The following CRYBG1 variants were observed in gnomAD, a reference collection of about 807,000 sequenced individuals.
CRYBG1 encodes crystallin beta-gamma domain containing 1.
Under a neutral mutation model 189.2 loss-of-function variants are expected in CRYBG1, and 139 were observed. The observed-to-expected ratio is 0.73, with a 90% confidence interval of 0.64 to 0.85. The LOEUF is 0.85. Ranked by LOEUF, CRYBG1 falls within the 40% of genes least tolerant of loss-of-function variation. The pLI is 0.00. For missense variants in CRYBG1, 2,611 were observed against 2,675.8 expected (o/e 0.98, Z 0.53); for synonymous variants, 1,023 against 1,017.1 (o/e 1.01, Z -0.11).
intron 1 of CRYBG1, among the ~76,000 whole-genome samples, chr6:106,422,575 C>T (rs1298238404): frequency 1.4e-5 from 1 of 70,126 alleles, no homozygotes. Context: ...TCAAGTAATC[C>T]ACCCCCCTCC....
intron 1 of CRYBG1, among the ~76,000 whole-genome samples, chr6:106,428,936 C>G (rs1771276361): frequency 6.6e-6 from 1 of 152,162 alleles, no homozygotes; most frequent in Non-Finnish European, 1.5e-5. Context: ...CCAGAGTATC[C>G]TTTCCCTTGA....
At chr6:106,394,312 A>G (rs11753894) in intron 1 of CRYBG1, among the ~76,000 whole-genome samples, 12,311 of 152,310 alleles carry the variant, frequency 0.081, 645 homozygotes, top group East Asian at 0.15. Context: ...TATGATACAT[A>G]TACAACAGTG....
chr6:106,514,299 A>G (rs953028633), intron 3 of CRYBG1, among the ~76,000 whole-genome samples: 1 of 152,218 alleles, frequency 6.6e-6, no homozygotes, highest in African/African-American at 2.4e-5. Flanking sequence ...CTCCATTCAC[A>G]TATTTGTTCA....
intron 21 of CRYBG1, among the ~76,000 whole-genome samples, 163 bp from the exon 22 acceptor site, chr6:106,568,309 C>T (rs1276085263): frequency 6.6e-6 from 1 of 152,234 alleles, no homozygotes; most frequent in Non-Finnish European, 1.5e-5. Context: ...CCTCTCATCC[C>T]ACAGGGGCCC....
At chr6:106,505,932 A>T (rs927410982) in intron 2 of CRYBG1, among the ~76,000 whole-genome samples, 15 of 147,370 alleles carry the variant, frequency 1.0e-4, no homozygotes, top group Admixed American at 5.4e-4. Flanking sequence ...ACACGTGTTT[A>T]AAAAAAAAAG....
intron 2 of CRYBG1, among the ~76,000 whole-genome samples, chr6:106,459,079 A>G (rs1010885021): frequency 6.6e-6 from 1 of 152,208 alleles, no homozygotes; most frequent in Non-Finnish European, 1.5e-5. Flanking sequence ...ATGTATAGCC[A>G]GCTTTGGAAA....
At position 106,544,635 on chromosome 6, in the gene CRYBG1, A is replaced by G. The variant is rs181944420; in HGVS notation, c.5104A>G (p.Arg1702Gly). 1.0e-4 allele frequency: 165 copies of G among 1,614,134 alleles called. 1 individual carries two copies. In the East Asian group the frequency reaches 3.6e-3, roughly 35 times the overall value. ...GTATTTGCTAGAAGAAGGAGAATAC[A>G]GGGACTGGAAAGCCTGGGGAGGTTA... ...HQYLLEEGEY[R>G]DWKAWGGYNG... The change falls in exon 12 of 22, where the codon AGG becomes GGG. Residue 1702 changes from arginine to glycine, a missense_variant. Arg to Gly is a moderately radical substitution (Grantham distance 125). This residue lies in a region of CRYBG1 where 1,622 missense variants were observed against 1,735.0 expected (regional missense o/e 0.93). Transcript: ENST00000633556.
In CRYBG1 at chr6:106,560,853, C is replaced by T. The variant is rs2114597599; in HGVS notation, c.5906C>T (p.Ser1969Leu). Residue 1969 changes from serine to leucine, a missense_variant, in exon 19 of 22, where the codon TCA (serine) becomes TTA (leucine). Physicochemically the swap from Ser to Leu is moderately radical, Grantham distance 145. Around this residue, in one of 3 missense-constraint regions of CRYBG1, gnomAD observed 1,622 missense variants for 1,735.0 expected, o/e 0.93. Transcript: ENST00000633556. The stretch of plus-strand genomic sequence containing the variant: ...TACAGAGGGCGACAGTTCCTATTGT[C>T]ACCTGCAGAAGTACCTAATTGGTAT... ...GSYRGRQFLLSPAEVPNWYEF... is the reference protein window; with the variant it reads ...GSYRGRQFLLLPAEVPNWYEF... 1.2e-6 allele frequency: 2 copies of T among 1,613,274 alleles called. No homozygotes were observed. The highest frequency in any genetic ancestry group is 1.7e-6 in the Non-Finnish European group (2 of 1,179,658).
In CRYBG1 at chr6:106,569,463, T is replaced by G. The variant is rs72943042; in HGVS notation, c.*897T>G. The G allele has an allele frequency of 0.04, 6,020 of 152,026 alleles. 172 individuals are homozygous for G. Among genetic ancestry groups the G allele is most frequent in the Non-Finnish European group, 0.06 (4,099 of 67,968 alleles). 9.4% of individuals were successfully genotyped at this position (152,026 alleles called of 1,614,324 possible). ...ATCTCGAACCTCTGGGCTCAAGCAA[T>G]TCACTCGCCTCGGCCTCCCAAAATG... On this transcript the variant is annotated 3_prime_UTR_variant, in exon 22 of 22. Coordinates refer to ENST00000633556, the MANE Select transcript of CRYBG1 (RefSeq NM_001371242.2).
At chr6:106,471,010 A>G (rs1772223484) in intron 2 of CRYBG1, among the ~76,000 whole-genome samples, 1 of 152,220 alleles carries the variant, frequency 6.6e-6, no homozygotes, top group Non-Finnish European at 1.5e-5. Context: ...ACCAAGTGGA[A>G]ATAACCCAAA....
intron 6 of CRYBG1, among the ~76,000 whole-genome samples, chr6:106,526,616 G>A (rs1773742988): frequency 2.0e-5 from 3 of 152,038 alleles, no homozygotes; most frequent in Admixed American, 2.0e-4. Context: ...GTAAGTTAAA[G>A]TCTCTCTAAG....
intron 13 of CRYBG1, among the ~76,000 whole-genome samples, chr6:106,546,279 T>C (rs1207729177): frequency 2.0e-5 from 3 of 152,248 alleles, no homozygotes; most frequent in African/African-American, 7.2e-5. Flanking sequence ...ATTATTCTTG[T>C]AATCCAGGCT....
At position 106,379,552 on chromosome 6, in the gene CRYBG1, T is replaced by C. The variant is rs1347798203; in HGVS notation, c.173+18471T>C. Among the ~76,000 whole-genome samples the C allele has an allele frequency of 5.9e-5, 9 of 151,932 alleles. 1 individual carries two copies. The East Asian group carries it at 7.8e-4, about 13-fold the overall frequency. On this transcript the variant is annotated intron_variant, in intron 1 of 21. Coordinates refer to ENST00000633556, the MANE Select transcript of CRYBG1 (RefSeq NM_001371242.2). ...CTGGGATTACAGGCGTGAGCCACCGTGCCTGGCCTCTTTTCTTTTCTTTAA... is the reference window on the plus strand; with the variant it reads ...CTGGGATTACAGGCGTGAGCCACCGCGCCTGGCCTCTTTTCTTTTCTTTAA...
chr6:106,375,413 G>C (rs368321250), intron 1 of CRYBG1, among the ~76,000 whole-genome samples: 2 of 140,432 alleles, frequency 1.4e-5, no homozygotes, highest in African/African-American at 5.5e-5. Flanking sequence ...AAGTAAGTAA[G>C]TAAGTAAGTA....
At chr6:106,414,049 G>A (rs1311650179) in intron 1 of CRYBG1, among the ~76,000 whole-genome samples, 2 of 152,206 alleles carry the variant, frequency 1.3e-5, no homozygotes, top group African/African-American at 4.8e-5. Context: ...CCGACTCAGT[G>A]AAATTACTGA....
intron 17 of CRYBG1, among the ~76,000 whole-genome samples, chr6:106,556,614 G>C (rs571133309): frequency 7.2e-5 from 11 of 152,294 alleles, no homozygotes; most frequent in Non-Finnish European, 1.0e-4. Flanking sequence ...ATATTCAATA[G>C]AACAAAACTG....
At chr6:106,530,509 C>T (rs1773854473) in intron 8 of CRYBG1, among the ~76,000 whole-genome samples, 194 bp downstream of exon 8, 1 of 148,604 alleles carries the variant, frequency 6.7e-6, no homozygotes, top group South Asian at 2.2e-4. Context: ...GTCTTAAAAA[C>T]AGTATCGATT....
intron 9 of CRYBG1, among the ~76,000 whole-genome samples, chr6:106,540,018 G>A (rs1774094854): frequency 6.6e-6 from 1 of 152,140 alleles, no homozygotes; most frequent in Non-Finnish European, 1.5e-5. Context: ...CAGCCTGAGA[G>A]AGAGCAGGGC....
chr6:106,513,203 A>T (rs1773340577), intron 3 of CRYBG1, among the ~76,000 whole-genome samples, 164 bp downstream of exon 3: 2 of 152,208 alleles, frequency 1.3e-5, no homozygotes, highest in Admixed American at 1.3e-4. Context: ...CACAGTCAAG[A>T]TTTAAGATGA....
Sources: allele counts gnomAD v4.1 joint callset (sites outside exome capture counted in the v4.1 genomes callset), GRCh38; gene constraint gnomAD v4.1.1; regional missense constraint gnomAD v4.1.1; transcripts MANE v1.5; gene names NCBI Gene and HGNC (gene_info 2026-07-23, HGNC 2026-07-21).